Variants in RBM27 observed in about 807,000 individuals in gnomAD.
The protein encoded by RBM27 is RNA binding motif protein 27.
In RBM27, 22 loss-of-function variants were observed where a neutral mutation model predicts 135.3. The ratio of observed to expected loss-of-function variants is 0.16; its 90% CI spans 0.12 to 0.23. The LOEUF (loss-of-function observed/expected upper bound fraction) is 0.23. RBM27 is among the 10% of genes least tolerant of loss of function. The pLI, the probability that RBM27 is intolerant of heterozygous loss-of-function variation, is 1.00. For synonymous variants in RBM27, 481 were observed against 442.4 expected, an observed-to-expected ratio of 1.09 and a Z score of -1.10; for missense variants, 1,009 against 1,281.0, an observed-to-expected ratio of 0.79 and a Z score of 3.24.
chr5:146,276,261 T>A (rs1759089326), intron 19 of RBM27, among the ~76,000 whole-genome samples: 1 of 152,216 alleles, frequency 6.6e-6, no homozygotes, highest in Non-Finnish European at 1.5e-5. Context: ...TACTGTCATT[T>A]CAGTGGGTGT....
chr5:146,237,999 C>A (rs888834640), intron 8 of RBM27, among the ~76,000 whole-genome samples: 6 of 152,100 alleles, frequency 3.9e-5, no homozygotes, highest in Non-Finnish European at 5.9e-5. Context: ...AACGTCAAGT[C>A]TCTTCTAAAG....
chr5:146,214,640 C>A (rs1756113776), intron 1 of RBM27, among the ~76,000 whole-genome samples: 1 of 152,168 alleles, frequency 6.6e-6, no homozygotes, highest in Non-Finnish European at 1.5e-5. Context: ...TAGAAAATTA[C>A]AGCACAAAAC....
At chr5:146,215,896 G>A (rs1240344966) in intron 1 of RBM27, among the ~76,000 whole-genome samples, 4 of 151,942 alleles carry the variant, frequency 2.6e-5, no homozygotes, top group African/African-American at 9.7e-5. Flanking sequence ...GATTACAGGT[G>A]CACACCACCA....
At chr5:146,226,103 A>G (rs1283923713) in intron 3 of RBM27, among the ~76,000 whole-genome samples, 5 of 150,006 alleles carry the variant, frequency 3.3e-5, no homozygotes, top group African/African-American at 1.2e-4. Flanking sequence ...CCTGACCTCA[A>G]GTGACCTGTT....
intron 19 of RBM27, among the ~76,000 whole-genome samples, chr5:146,283,477 C>T (rs1219124786): frequency 1.3e-5 from 2 of 151,896 alleles, no homozygotes; most frequent in Non-Finnish European, 1.5e-5. Context: ...GTCGAGGCTG[C>T]AGTGAGTGTG....
At chr5:146,221,654 ACTC>A (rs1388811900) in intron 2 of RBM27, among the ~76,000 whole-genome samples, 1 of 151,724 alleles carries the variant, frequency 6.6e-6, no homozygotes, top group Non-Finnish European at 1.5e-5. Context: ...CTGGTCTCAA[ACTC>A]CTGGCCTCAA....
chr5:146,245,600 TTTAA>T (rs1757592822), intron 8 of RBM27, among the ~76,000 whole-genome samples: 1 of 152,236 alleles, frequency 6.6e-6, no homozygotes, highest in Non-Finnish European at 1.5e-5. Context: ...GATTTGCTCA[TTTAA>T]TTCTGTGGCA....
chr5:146,274,049 A>G (rs895517046), intron 19 of RBM27, among the ~76,000 whole-genome samples: 2 of 152,186 alleles, frequency 1.3e-5, no homozygotes, highest in Non-Finnish European at 2.9e-5. Context: ...CAATGGCACG[A>G]TCTTGGCTCA....
chr5:146,250,587 T>C (rs1040249027), intron 8 of RBM27, among the ~76,000 whole-genome samples: 15 of 152,216 alleles, frequency 9.9e-5, no homozygotes, highest in Middle Eastern at 3.4e-3. Flanking sequence ...GGGATTTTGC[T>C]CCTTGATACC....
chr5:146,217,015 G>A (rs1448761971), intron 1 of RBM27, among the ~76,000 whole-genome samples: 1 of 152,072 alleles, frequency 6.6e-6, no homozygotes, highest in African/African-American at 2.4e-5. Flanking sequence ...TGCCCAGGCT[G>A]GAGTGCAGTG....
chr5:146,274,829 G>A (rs1459833637), intron 19 of RBM27, among the ~76,000 whole-genome samples: 1 of 151,810 alleles, frequency 6.6e-6, no homozygotes, highest in African/African-American at 2.4e-5. Flanking sequence ...TATATTAATA[G>A]TATGTATCAG....
chr5:146,237,508 A>C (rs1030279220), intron 8 of RBM27, 76 bp downstream of exon 8: 10 of 1,434,864 alleles, frequency 7.0e-6, no homozygotes, highest in Non-Finnish European at 9.6e-6. Context: ...ATAACCCTTT[A>C]AAAAATGGTA....
At chr5:146,271,799 C>T (rs1182853623) in intron 19 of RBM27, 125 bp downstream of exon 19, 6 of 750,762 alleles carry the variant, frequency 8.0e-6, no homozygotes, top group African/African-American at 7.1e-5. Flanking sequence ...AACATGAGTA[C>T]TACCAAATGC....
At chr5:146,273,712 A>G (rs1581235847) in intron 19 of RBM27, among the ~76,000 whole-genome samples, 2 of 152,194 alleles carry the variant, frequency 1.3e-5, no homozygotes, top group African/African-American at 4.8e-5. Context: ...GGCCAAGGTA[A>G]AATCTATATT....
At chr5:146,259,359 C>G (rs1444141537) in intron 11 of RBM27, among the ~76,000 whole-genome samples, 1 of 151,568 alleles carries the variant, frequency 6.6e-6, no homozygotes, top group East Asian at 2.0e-4. Context: ...ACAAAATTAG[C>G]CAGGTGTGGT....
chr5:146,212,717 A>G (rs1756019662), intron 1 of RBM27, among the ~76,000 whole-genome samples: 1 of 150,886 alleles, frequency 6.6e-6, no homozygotes, highest in South Asian at 2.1e-4. Flanking sequence ...TATATTACAT[A>G]TATATTTTTT....
At chr5:146,248,774 T>C (rs1757746706) in intron 8 of RBM27, among the ~76,000 whole-genome samples, 1 of 152,126 alleles carries the variant, frequency 6.6e-6, no homozygotes, top group Non-Finnish European at 1.5e-5. Flanking sequence ...CCTTTCTGTA[T>C]GTTCTTTGTC....
At chr5:146,229,623 T>G in intron 4 of RBM27, 94 bp from the exon 5 acceptor site, 1 of 1,047,156 alleles carries the variant, frequency 9.5e-7, no homozygotes, top group Non-Finnish European at 1.4e-6. Flanking sequence ...TAGATATGCA[T>G]TTGGATGACT....
At chr5:146,234,280 T>A (rs182230695) in intron 7 of RBM27, among the ~76,000 whole-genome samples, 2,372 of 152,176 alleles carry the variant, frequency 0.016, 37 homozygotes, top group African/African-American at 0.036. Context: ...ATTAAAAAAA[T>A]TTTTTTTATT....
Sources: gnomAD v4.1 joint callset for allele counts (sites outside exome capture counted in the v4.1 genomes callset) on GRCh38, gnomAD v4.1.1 for gene constraint, MANE v1.5 for transcripts, NCBI Gene and HGNC (gene_info 2026-07-23, HGNC 2026-07-21) for gene names.